MFRP: variants seen among roughly 807,000 people sequenced by gnomAD.
MFRP encodes the protein C1q and TNF related 5.
In MFRP, 74 loss-of-function variants were observed where a neutral mutation model predicts 65.8. That is an observed-to-expected ratio of 1.12 (90% CI 0.93 to 1.36). The LOEUF is 1.36. MFRP is among the 40% of genes most tolerant of loss of function. MFRP has a pLI of 0.00. For synonymous variants in MFRP, 336 were observed against 288.3 expected (o/e 1.17, Z -1.68); for missense variants, 838 against 736.0 (o/e 1.14, Z -1.60).
chr11:119,339,620 G>A lies in MFRP; in HGVS notation c.*1339C>T. 1 of 1,613,104 alleles carries A rather than the reference G, an allele frequency of 6.2e-7. No individual in the cohort carries two copies. Among genetic ancestry groups the A allele is most frequent in the Non-Finnish European group, 8.5e-7 (1 of 1,180,032 alleles). ...ATGGACGGCGAAGTAGTAGACCCCA[G>A]GCACCTGGCAGGTGAACTTGCCGGT... On this transcript the variant is annotated 3_prime_UTR_variant, in exon 15 of 15. Coordinates refer to ENST00000619721, the MANE Select transcript of MFRP (RefSeq NM_031433.4). This position sits in a 1 kb window ranked among gnomAD's most constrained non-coding sequence, Gnocchi z 5.4.
intron 13 of MFRP, 122 bp from the exon 14 acceptor site, chr11:119,340,562 G>A (rs1950492715): frequency 1.4e-6 from 1 of 707,298 alleles, no homozygotes; most frequent in African/African-American, 1.9e-5. Context: ...AGCGCTCGCA[G>A]GGCCGAGCAT....
intron 11 of MFRP, among the ~76,000 whole-genome samples, chr11:119,342,353 G>A (rs1043148022): frequency 3.9e-5 from 6 of 152,202 alleles, no homozygotes; most frequent in African/African-American, 1.4e-4. Flanking sequence ...GAAGGGACTG[G>A]TTCTTGAAGC....
Position 119,340,927 on chromosome 11 carries a change from T to C in MFRP, c.*621A>G, listed in dbSNP as rs1950497182. The C allele has an allele frequency of 6.0e-6, 1 of 167,828 alleles. No individual in the cohort carries two copies. Among genetic ancestry groups the C allele is most frequent in the African/African-American group, 2.4e-5 (1 of 41,406 alleles). The allele number at this position is 167,828 out of a possible 1,614,324, so 10.4% of individuals were successfully genotyped here. On this transcript the variant is annotated 3_prime_UTR_variant, in exon 13 of 15. Transcript: ENST00000619721. ...GACCGGGAAATAGCTGGGAAATAAC[T>C]CGTGGTGTCGCCCGGCGGCCGGCCA... is the stretch of plus-strand genomic sequence containing the variant.
intron 11 of MFRP, among the ~76,000 whole-genome samples, chr11:119,342,395 T>C (rs140928676): frequency 6.6e-6 from 1 of 152,304 alleles, no homozygotes; most frequent in Non-Finnish European, 1.5e-5. Context: ...CCCATTTCCC[T>C]TGGGGTGACA....
chr11:119,339,829 C>A lies in MFRP; in HGVS notation c.*1130G>T. On this transcript the variant is annotated 3_prime_UTR_variant, in exon 15 of 15. Transcript: ENST00000619721. The surrounding 1 kb of genome is among the most constrained non-coding windows in gnomAD (Gnocchi z 5.4). ...CCGCCTCTCCTCGCGGCCCGGGGTC[C>A]CCTCGAGGTCCCGGCAGTCCTGCGG... is the stretch of plus-strand genomic sequence containing the variant. 1 of 1,505,910 alleles carries A rather than the reference C, an allele frequency of 6.6e-7. No individual in the cohort carries two copies. The highest frequency in any genetic ancestry group is 2.5e-5 in the East Asian group (1 of 40,800). 93.3% of individuals were successfully genotyped at this position (1,505,910 alleles called of 1,614,324 possible).
At chr11:119,344,094 AGG>A in intron 8 of MFRP, 130 bp from the exon 9 acceptor site, 1 of 1,237,092 alleles carries the variant, frequency 8.1e-7, no homozygotes, top group South Asian at 1.2e-5. Flanking sequence ...GTGGTTCTTA[AGG>A]ACCTTTAATT....
At position 119,345,834 on chromosome 11, in the gene MFRP, A is replaced by G; in HGVS notation, c.366T>C (p.Ser122=). 6.2e-7 allele frequency: 1 copy of G among 1,613,622 alleles called. No individual in the cohort carries two copies. Among genetic ancestry groups the G allele is most frequent in the Non-Finnish European group, 8.5e-7 (1 of 1,179,940 alleles). ...GCCCTTTAGGGGTCCCAGCTGCCTG[A>G]GAGGTGGTGATGGTGGGGGTGGTGG... ...TTTTTPTITT[S]QAAGTPKGQQ... Residue 122 remains serine (S), a synonymous_variant, in exon 4 of 15, where the codon TCT becomes TCC. Coordinates refer to ENST00000619721, the MANE Select transcript of MFRP (RefSeq NM_031433.4).
At chr11:119,342,844 C>T (rs376122111) in intron 10 of MFRP, 29 bp downstream of exon 10, 45 of 1,612,896 alleles carry the variant, frequency 2.8e-5, no homozygotes, top group Non-Finnish European at 3.6e-5. Flanking sequence ...GCCTCTACTG[C>T]CCCCACCCAC....
In MFRP at chr11:119,339,226, G is replaced by C; in HGVS notation, c.*1733C>G. 1 of 1,310,330 alleles carries C rather than the reference G, an allele frequency of 7.6e-7. No homozygotes were observed. The highest frequency in any genetic ancestry group is 1.1e-6 in the Non-Finnish European group (1 of 947,082). The allele number at this position is 1,310,330 out of a possible 1,614,324, so 81.2% of individuals were successfully genotyped here. A position where few individuals can be genotyped will look rare whatever the true frequency, so the allele number is the denominator to read the frequency against. On this transcript the variant is annotated 3_prime_UTR_variant, in exon 15 of 15. Transcript: ENST00000619721. This position sits in a 1 kb window ranked among gnomAD's most constrained non-coding sequence, Gnocchi z 5.4. ...GAGAGTGCTCTACCCCACCTCCCTA[G>C]TCATTCACAATATTCCAGGGGGGCC...
chr11:119,345,432 C>G lies in MFRP; in HGVS notation c.629G>C (p.Gly210Ala). ...DRLELSPEPEGPLLRVCGRVP... is the reference protein window; with the variant it reads ...DRLELSPEPEAPLLRVCGRVP... The stretch of plus-strand genomic sequence containing the variant: ...CAGAGGGACCTACCTGAGGAGGGGG[C>G]CTTCAGGCTCAGGGGAGAGTTCCAA... The change falls in exon 5 of 15, where the codon GGC (glycine) becomes GCC (alanine). Residue 210 changes from glycine to alanine, a missense_variant. Gly to Ala is a moderately conservative substitution (Grantham distance 60, BLOSUM62 0). Transcript: ENST00000619721. The G allele has an allele frequency of 1.9e-6, 3 of 1,613,816 alleles. No individual in the cohort carries two copies. Among genetic ancestry groups the G allele is most frequent in the Non-Finnish European group, 2.5e-6 (3 of 1,179,952 alleles).
chr11:119,344,488 C>A, intron 7 of MFRP, 97 bp from the exon 8 acceptor site: 2 of 1,564,960 alleles, frequency 1.3e-6, no homozygotes, highest in Middle Eastern at 1.7e-4. Flanking sequence ...TGGCCATGCC[C>A]ATGGGAAACA....
Position 119,344,624 on chromosome 11 carries a change from G to A in MFRP, c.898+8C>T, listed in dbSNP as rs1205507088. The A allele has an allele frequency of 1.9e-6, 3 of 1,613,900 alleles. No individual in the cohort carries two copies. Among genetic ancestry groups the A allele is most frequent in the Non-Finnish European group, 2.5e-6 (3 of 1,180,046 alleles). ...CCTGAAGAGAGGACCCCCATGCCTGGCCCGTACCCGAGAACTTGGCACTGC... is the reference window on the plus strand; with the variant it reads ...CCTGAAGAGAGGACCCCCATGCCTGACCCGTACCCGAGAACTTGGCACTGC... On this transcript the variant is annotated splice_region_variant and intron_variant, in intron 7 of 14. Transcript: ENST00000619721.
Position 119,346,324 on chromosome 11 carries a change from A to AG in MFRP, c.104dup (p.Pro36SerfsTer68), listed in dbSNP as rs749156010. 7.4e-6 allele frequency: 12 copies of AG among 1,613,678 alleles called. No homozygotes were observed. The highest frequency in any genetic ancestry group is 1.0e-5 in the Non-Finnish European group (12 of 1,179,972). On this transcript the variant is annotated frameshift_variant, in exon 2 of 15. Transcript: ENST00000619721. LOFTEE classifies it high-confidence loss of function. ...TGGCATCCTCTGGGAAAACTGGGGG[A>AG]GGGCAGGGTGGCCCAGACTCAGGCT...
rs527834636 is a variant in MFRP at position 119,346,179 on chromosome 11, G to C, written c.158-20C>G. The C allele has an allele frequency of 3.7e-5, 59 of 1,574,812 alleles. No homozygotes were observed. In the African/African-American group the frequency reaches 6.3e-4, roughly 17 times the overall value. On this transcript the variant is annotated intron_variant, in intron 2 of 14. Transcript: ENST00000619721. Reference sequence around the variant, plus strand: ...GCCGACCTGCGGGTTGGCAGGTGGGGTTTTGAAAGCCCCTTCTGTTGGGTA... The same window carrying C: ...GCCGACCTGCGGGTTGGCAGGTGGGCTTTTGAAAGCCCCTTCTGTTGGGTA...
rs748740800 is a variant in MFRP, at chr11:119,343,041, G to A, written c.1125-38C>T. ...GACAGCTGTTCTGGGCACCAGCCCTGGCTGACTGAGGGGGCACTGCAGCCT... is the reference window on the plus strand; with the variant it reads ...GACAGCTGTTCTGGGCACCAGCCCTAGCTGACTGAGGGGGCACTGCAGCCT... On this transcript the variant is annotated intron_variant, in intron 9 of 14. Transcript: ENST00000619721. 3.2e-6 allele frequency: 5 copies of A among 1,567,292 alleles called. No homozygotes were observed. The African/African-American group carries it at 6.8e-5, about 21-fold the overall frequency.
chr11:119,343,913 A>G lies in MFRP; in HGVS notation c.1027T>C (p.Phe343Leu), dbSNP rs747581258. Residue 343 changes from phenylalanine to leucine, a missense_variant, in exon 9 of 15, where the codon TTC (phenylalanine) becomes CTC (leucine). Physicochemically the swap from Phe to Leu is conservative, Grantham distance 22. Coordinates refer to ENST00000619721, the MANE Select transcript of MFRP (RefSeq NM_031433.4). The stretch of plus-strand genomic sequence containing the variant: ...TGAGCCTCCAGGCTGAAGTTGTGGA[A>G]CTGTAGTTCTATGCTGTGTCCGGCA... Reference protein sequence around the residue: ...VPAGHSIELQFHNFSLEAQDE... With the variant: ...VPAGHSIELQLHNFSLEAQDE... 1.2e-6 allele frequency: 2 copies of G among 1,613,518 alleles called. No individual in the cohort carries two copies. Among genetic ancestry groups the G allele is most frequent in the East Asian group, 4.5e-5 (2 of 44,838 alleles).
chr11:119,344,032 G>T, intron 8 of MFRP, 68 bp from the exon 9 acceptor site: 1 of 1,598,082 alleles, frequency 6.3e-7, no homozygotes, highest in Non-Finnish European at 8.5e-7. Context: ...ACCCAGAAGG[G>T]TCTTCTTCCC....
chr11:119,342,654 CCACATGTCA>C lies in MFRP; in HGVS notation c.1320_1328del (p.Cys440_Met442del), dbSNP rs1565293156. The C allele has an allele frequency of 6.2e-7, 1 of 1,613,700 alleles. No homozygotes were observed. The highest frequency in any genetic ancestry group is 2.2e-5 in the East Asian group (1 of 44,874). ...CATCGCTGCCATCGGTGCAGTCTCT[CCACATGTCA>C]CACATCCACTGCACACCCTTACACC... is the stretch of plus-strand genomic sequence containing the variant. On this transcript the variant is annotated inframe_deletion, in exon 11 of 15. Coordinates refer to ENST00000619721, the MANE Select transcript of MFRP (RefSeq NM_031433.4).
Position 119,340,069 on chromosome 11 carries a change from A to C in MFRP, c.*1110+115T>G, listed in dbSNP as rs1950485387. ...GCCCCTCCCCCGCTCAGGGCTGCAA[A>C]GCGCGGGGAGTGGCGCCCCCTGGCG... On this transcript the variant is annotated intron_variant, in intron 14 of 14. Coordinates refer to ENST00000619721, the MANE Select transcript of MFRP (RefSeq NM_031433.4). 9 of 1,333,372 alleles carry C rather than the reference A, an allele frequency of 6.7e-6. No individual in the cohort carries two copies. The South Asian group carries it at 1.3e-4, about 19-fold the overall frequency. The allele number at this position is 1,333,372 out of a possible 1,614,324, so 82.6% of individuals were successfully genotyped here.
Sources: gnomAD v4.1 joint callset for allele counts (sites outside exome capture counted in the v4.1 genomes callset) on GRCh38, gnomAD v4.1.1 for gene constraint, Gnocchi (gnomAD v3.1) non-coding constraint, MANE v1.5 for transcripts, NCBI Gene and HGNC (gene_info 2026-07-23, HGNC 2026-07-21) for gene names.